Variants in HHIP observed in about 807,000 individuals in gnomAD.
The protein encoded by HHIP is hedgehog interacting protein.
In HHIP, 12 loss-of-function variants were observed where a neutral mutation model predicts 74.0. The ratio of observed to expected loss-of-function variants is 0.16; its 90% CI spans 0.10 to 0.26. HHIP has a LOEUF of 0.26. Among genes scored for constraint, HHIP ranks in the 10% least tolerant of loss-of-function variants. The probability of loss-of-function intolerance (pLI) is 1.00; values close to 1 mark genes in which losing one functional copy is unlikely to be tolerated. For missense variants in HHIP, 788 were observed against 845.0 expected (o/e 0.93, Z 0.84); for synonymous variants, 309 against 311.6 (o/e 0.99, Z 0.09).
intron 4 of HHIP, among the ~76,000 whole-genome samples, chr4:144,704,353 T>C (rs982190106): frequency 5.3e-5 from 8 of 152,226 alleles, no homozygotes; most frequent in Non-Finnish European, 1.0e-4. Flanking sequence ...AAATTGCTTT[T>C]TTGATTTATT....
chr4:144,646,464 G>C lies in HHIP; in HGVS notation c.-212G>C. 2.0e-6 allele frequency: 1 copy of C among 502,202 alleles called. No individual in the cohort carries two copies. The highest frequency in any genetic ancestry group is 3.5e-6 in the Non-Finnish European group (1 of 283,970). 31.1% of individuals were successfully genotyped at this position (502,202 alleles called of 1,614,324 possible). ...CCGCACAACTTTATCTCGCTCCTCG[G>C]GCTCCCCTAAGGCATTGGACCCATC... On this transcript the variant is annotated 5_prime_UTR_variant, in exon 1 of 13. Coordinates refer to ENST00000296575, the MANE Select transcript of HHIP (RefSeq NM_022475.3).
chr4:144,712,148 G>T (rs1730323757), intron 8 of HHIP, 77 bp downstream of exon 8: 9 of 1,302,970 alleles, frequency 6.9e-6, no homozygotes, highest in African/African-American at 1.5e-5. Flanking sequence ...AAGAGAAAGG[G>T]ATTTCTGAAA....
chr4:144,654,806 A>G (rs1308112119), intron 2 of HHIP: 4 of 152,230 alleles, frequency 2.6e-5, no homozygotes, highest in Non-Finnish European at 2.9e-5. Context: ...TCTGAAGTTC[A>G]AAGTGTTGGA....
chr4:144,717,650 G>C (rs370916353), intron 10 of HHIP, among the ~76,000 whole-genome samples: 7 of 152,202 alleles, frequency 4.6e-5, no homozygotes, highest in East Asian at 3.9e-4. Context: ...TCTCCTAAAA[G>C]AGTACCCCAT....
At chr4:144,659,599 C>T in intron 3 of HHIP, 38 bp from the exon 4 acceptor site, 3 of 1,352,880 alleles carry the variant, frequency 2.2e-6, no homozygotes, top group Non-Finnish European at 2.9e-6. Context: ...TCTCCTTCAT[C>T]TCAAGAAAAG....
chr4:144,703,162 C>T (rs987078999), intron 4 of HHIP, among the ~76,000 whole-genome samples: 1 of 150,688 alleles, frequency 6.6e-6, no homozygotes, highest in South Asian at 2.1e-4. Flanking sequence ...TGCAGTGAGC[C>T]GAGATTGCGC....
chr4:144,700,819 A>T (rs1729958632), intron 4 of HHIP, among the ~76,000 whole-genome samples: 1 of 152,210 alleles, frequency 6.6e-6, no homozygotes, highest in Non-Finnish European at 1.5e-5. Context: ...AATTTATGTT[A>T]TTTCAAGCCA....
At position 144,714,167 on chromosome 4, in the gene HHIP, A is replaced by C. The variant is rs762512729; in HGVS notation, c.1424-58A>C. The C allele has an allele frequency of 5.4e-6, 8 of 1,475,926 alleles. No individual in the cohort carries two copies. The African/African-American group carries it at 6.9e-5, about 13-fold the overall frequency. 91.4% of individuals were successfully genotyped at this position (1,475,926 alleles called of 1,614,324 possible). ...CTATAGTAATTGTTGTTTGGTGTAC[A>C]TTCCTTTTACTTTATGAAAATATGT... On this transcript the variant is annotated intron_variant, in intron 8 of 12. Transcript: ENST00000296575.
At chr4:144,680,545 A>G (rs1560703686) in intron 4 of HHIP, among the ~76,000 whole-genome samples, 1 of 152,170 alleles carries the variant, frequency 6.6e-6, no homozygotes, top group Non-Finnish European at 1.5e-5. Flanking sequence ...ATTTTCTAAG[A>G]TCTCTATGTA....
At chr4:144,669,204 A>G (rs1440010446) in intron 4 of HHIP, among the ~76,000 whole-genome samples, 1 of 152,210 alleles carries the variant, frequency 6.6e-6, no homozygotes, top group Non-Finnish European at 1.5e-5. Context: ...TCAAAACTAG[A>G]TCATTGGCTA....
chr4:144,716,471 C>G (rs1730446756), intron 10 of HHIP, among the ~76,000 whole-genome samples: 1 of 152,134 alleles, frequency 6.6e-6, no homozygotes, highest in Admixed American at 6.6e-5. Context: ...CTACCGCACT[C>G]AAAGGAACCA....
At chr4:144,667,697 C>G (rs544399159) in intron 4 of HHIP, among the ~76,000 whole-genome samples, 2 of 152,322 alleles carry the variant, frequency 1.3e-5, no homozygotes, top group Admixed American at 6.5e-5. Flanking sequence ...CTACAGCAAC[C>G]TTTCAGCAGC....
At chr4:144,660,749 G>A (rs1006101185) in intron 4 of HHIP, among the ~76,000 whole-genome samples, 4 of 152,064 alleles carry the variant, frequency 2.6e-5, no homozygotes, top group African/African-American at 7.2e-5. Flanking sequence ...TTTTCTTATC[G>A]TGTGAGAGTT....
In HHIP at chr4:144,714,151, T is replaced by C. The variant is rs570267832; in HGVS notation, c.1424-74T>C. The C allele has an allele frequency of 3.1e-6, 4 of 1,280,590 alleles. No individual in the cohort carries two copies. In the South Asian group the frequency reaches 3.7e-5, roughly 12 times the overall value. The allele number at this position is 1,280,590 out of a possible 1,614,324, so 79.3% of individuals were successfully genotyped here. A position where few individuals can be genotyped will look rare whatever the true frequency, so the allele number is the denominator to read the frequency against. ...TTTCAGAGTTAAATTACTATAGTAA[T>C]TGTTGTTTGGTGTACATTCCTTTTA... is the stretch of plus-strand genomic sequence containing the variant. On this transcript the variant is annotated intron_variant, in intron 8 of 12. Coordinates refer to ENST00000296575, the MANE Select transcript of HHIP (RefSeq NM_022475.3).
chr4:144,689,869 T>A (rs913636889), intron 4 of HHIP, among the ~76,000 whole-genome samples: 1 of 152,130 alleles, frequency 6.6e-6, no homozygotes, highest in Non-Finnish European at 1.5e-5. Context: ...AATGCAATGG[T>A]GTGATCTCAG....
At chr4:144,689,382 G>C (rs892272971) in intron 4 of HHIP, among the ~76,000 whole-genome samples, 2 of 152,164 alleles carry the variant, frequency 1.3e-5, no homozygotes, top group African/African-American at 4.8e-5. Context: ...TAGACAAGTA[G>C]TTACAAAGAA....
chr4:144,669,129 C>A (rs1220266846), intron 4 of HHIP, among the ~76,000 whole-genome samples: 1 of 151,988 alleles, frequency 6.6e-6, no homozygotes. Flanking sequence ...ATTTTAAAGT[C>A]TGTAATTATG....
At chr4:144,654,780 A>G (rs1379583684) in intron 2 of HHIP, 1 of 152,182 alleles carries the variant, frequency 6.6e-6, no homozygotes, top group Non-Finnish European at 1.5e-5. Flanking sequence ...TGATTTAATG[A>G]TATGGTTCAC....
In HHIP at chr4:144,744,038, G is replaced by A. The variant is rs1560729590; in HGVS notation, c.*6081G>A. 1 of 152,024 alleles carries A rather than the reference G, an allele frequency of 6.6e-6. No individual in the cohort carries two copies. The highest frequency in any genetic ancestry group is 2.4e-5 in the African/African-American group (1 of 41,414). The allele number at this position is 152,024 out of a possible 1,614,324, so 9.4% of individuals were successfully genotyped here. A position where few individuals can be genotyped will look rare whatever the true frequency, so the allele number is the denominator to read the frequency against. On this transcript the variant is annotated 3_prime_UTR_variant, in exon 13 of 13. Transcript: ENST00000296575. ...GAAGAAACCAAGTTGACTACCTTAT[G>A]AGAGATCAGATATTTCCCTTATCTC...
Sources: gnomAD v4.1 joint callset for allele counts (sites outside exome capture counted in the v4.1 genomes callset) on GRCh38, gnomAD v4.1.1 for gene constraint, MANE v1.5 for transcripts, NCBI Gene and HGNC (gene_info 2026-07-23, HGNC 2026-07-21) for gene names.